STOX2: variants seen among roughly 807,000 people sequenced by gnomAD.
STOX2 encodes storkhead box 2, also known as storkhead-box protein 2.
STOX2 carries 28 observed loss-of-function variants against 60.9 expected under a neutral mutation model. The observed-to-expected ratio is 0.46, with a 90% confidence interval of 0.34 to 0.63. The LOEUF is 0.63. Among genes scored for constraint, STOX2 ranks in the 30% least tolerant of loss-of-function variants. STOX2 has a pLI of 0.01. For missense variants in STOX2, 1,024 were observed against 1,187.7 expected (o/e 0.86, Z 2.03); for synonymous variants, 472 against 463.9 (o/e 1.02, Z -0.22).
intron 1 of STOX2, among the ~76,000 whole-genome samples, chr4:183,963,554 G>A (rs1743473336): frequency 6.6e-6 from 1 of 151,436 alleles, no homozygotes; most frequent in South Asian, 2.1e-4. Flanking sequence ...AGCCTCCTGA[G>A]TAGCTGGGAT....
intron 1 of STOX2, among the ~76,000 whole-genome samples, chr4:183,911,996 G>A (rs1011613711): frequency 2.0e-5 from 3 of 152,136 alleles, no homozygotes; most frequent in South Asian, 4.1e-4. Flanking sequence ...TTTTAAGTAG[G>A]GAGTACACTT....
intron 1 of STOX2, among the ~76,000 whole-genome samples, chr4:183,892,603 C>T (rs541946704): frequency 1.3e-5 from 2 of 152,322 alleles, no homozygotes; most frequent in African/African-American, 4.8e-5. Flanking sequence ...CTTGCATGCA[C>T]GCTGACAAGG....
chr4:183,882,402 CCTT>C (rs2111173696), intron 1 of STOX2, among the ~76,000 whole-genome samples: 1 of 152,302 alleles, frequency 6.6e-6, no homozygotes, highest in South Asian at 2.1e-4. Flanking sequence ...ACGTAAAACT[CCTT>C]CTCATTTCCC....
chr4:184,011,972 T>C lies in STOX2; in HGVS notation c.2585+549T>C, dbSNP rs1336119558. ...TCCCTCTGGCTCACACACCTTCCTT[T>C]CACTGCCAAGAAATGGAATATTTCT... On this transcript the variant is annotated intron_variant, in intron 3 of 3. Coordinates refer to ENST00000308497, the MANE Select transcript of STOX2 (RefSeq NM_020225.3). This position sits in a 1 kb window ranked among gnomAD's most constrained non-coding sequence, Gnocchi z 4.4. Among the ~76,000 whole-genome samples the C allele has an allele frequency of 1.5e-4, 23 of 152,216 alleles. No individual in the cohort carries two copies. Among genetic ancestry groups the C allele is most frequent in the Non-Finnish European group, 1.5e-5 (1 of 68,038 alleles).
intron 1 of STOX2, among the ~76,000 whole-genome samples, chr4:183,868,158 AT>A (rs1740614130): frequency 6.6e-6 from 1 of 152,064 alleles, no homozygotes. Flanking sequence ...TTAGGAAAAC[AT>A]TTAGATGGCA....
chr4:183,995,057 G>C (rs1479486965), intron 1 of STOX2, among the ~76,000 whole-genome samples: 1 of 152,170 alleles, frequency 6.6e-6, no homozygotes, highest in Non-Finnish European at 1.5e-5. Context: ...GTTGTATGAG[G>C]ATGGGTACTT....
intron 1 of STOX2, among the ~76,000 whole-genome samples, chr4:183,875,409 G>T (rs983662337): frequency 6.6e-6 from 1 of 152,154 alleles, no homozygotes; most frequent in Non-Finnish European, 1.5e-5. Context: ...TAGCACTTCC[G>T]CAGAGGCCAG....
At chr4:184,007,023 A>T (rs1203072136) in intron 2 of STOX2, among the ~76,000 whole-genome samples, 4 of 128,002 alleles carry the variant, frequency 3.1e-5, no homozygotes, top group African/African-American at 1.4e-4. Flanking sequence ...CTCAAAAAAA[A>T]AAAAAAAAAC....
chr4:183,839,495 A>G (rs1015756993), intron 1 of STOX2, among the ~76,000 whole-genome samples: 19 of 152,208 alleles, frequency 1.2e-4, no homozygotes, highest in Non-Finnish European at 2.5e-4. Flanking sequence ...AGGGAAATGG[A>G]AAGTTGTGGC....
chr4:183,891,358 TTATATATATATATATATATATATATA>T (rs60300009), intron 1 of STOX2, among the ~76,000 whole-genome samples: 1,818 of 85,166 alleles, frequency 0.021, 78 homozygotes, highest in African/African-American at 0.077. Flanking sequence ...ATGATGGAAT[TTATATATATATATATATATATATATA>T]TATATATATA....
In STOX2 at chr4:183,824,249, A is replaced by AT. The variant is rs200012655; in HGVS notation, c.364+26203dup. On this transcript the variant is annotated intron_variant, in intron 1 of 2. Coordinates refer to the STOX2 transcript ENST00000513034. ...TTTAAGCAGGGATACCCTCATAGCA[A>AT]TTTTTTTTTCTGGGTCATAAAGCTA... Among the ~76,000 whole-genome samples, 778 of 151,896 alleles carry AT rather than the reference A, an allele frequency of 5.1e-3. 3 individuals are homozygous for AT. The highest frequency in any genetic ancestry group is 0.017 in the African/African-American group (703 of 41,404).
chr4:183,947,682 C>T (rs1250672489), intron 1 of STOX2, among the ~76,000 whole-genome samples: 2 of 152,190 alleles, frequency 1.3e-5, no homozygotes, highest in African/African-American at 4.8e-5. Context: ...GCTGTTTCCT[C>T]TGCCTGGAAC....
chr4:183,900,996 G>A (rs528468846), upstream of STOX2, among the ~76,000 whole-genome samples: 274 of 152,050 alleles, frequency 1.8e-3, 1 homozygote, highest in African/African-American at 6.4e-3. Flanking sequence ...ATCTATCTCC[G>A]TAATTCTTTT....
intron 1 of STOX2, among the ~76,000 whole-genome samples, chr4:183,818,743 C>T (rs1739219688): frequency 6.6e-6 from 1 of 151,024 alleles, no homozygotes; most frequent in Admixed American, 6.6e-5. Flanking sequence ...CACCTCCCTC[C>T]TGGACAGGGC....
intron 1 of STOX2, among the ~76,000 whole-genome samples, chr4:183,941,812 A>G (rs1262565945): frequency 6.6e-6 from 1 of 152,186 alleles, no homozygotes; most frequent in Admixed American, 6.5e-5. Context: ...GTATAAATCA[A>G]TATGTTGTGA....
intron 1 of STOX2, among the ~76,000 whole-genome samples, chr4:183,872,940 A>G (rs1374818555): frequency 2.0e-5 from 3 of 152,238 alleles, no homozygotes; most frequent in African/African-American, 7.2e-5. Context: ...CATGGAATCA[A>G]TGATAAGACA....
chr4:184,000,925 G>A (rs556674486), intron 1 of STOX2, among the ~76,000 whole-genome samples: 7 of 152,334 alleles, frequency 4.6e-5, no homozygotes, highest in South Asian at 4.1e-4. Context: ...ACGTAAACGC[G>A]TTCAATGTGT....
chr4:183,870,098 T>C (rs1393945208), intron 1 of STOX2, among the ~76,000 whole-genome samples: 1 of 152,236 alleles, frequency 6.6e-6, no homozygotes, highest in African/African-American at 2.4e-5. Flanking sequence ...GTACTTACGA[T>C]GAAATGAAGC....
In STOX2 at chr4:183,955,718, G is replaced by A. The variant is rs374299590; in HGVS notation, c.167-45607G>A. On this transcript the variant is annotated intron_variant, in intron 1 of 3. Coordinates refer to ENST00000308497, the MANE Select transcript of STOX2 (RefSeq NM_020225.3). ...GAATATTAATTTTGGGAGTTTGGGAGAGGATTGTTCTGTTCTGTGCCTTGC... is the reference window on the plus strand; with the variant it reads ...GAATATTAATTTTGGGAGTTTGGGAAAGGATTGTTCTGTTCTGTGCCTTGC... Among the ~76,000 whole-genome samples the A allele has an allele frequency of 2.6e-4, 40 of 152,312 alleles. 1 individual carries two copies. The South Asian group carries it at 7.9e-3, about 30-fold the overall frequency.
Sources: gnomAD v4.1 joint callset for allele counts (sites outside exome capture counted in the v4.1 genomes callset) on GRCh38, gnomAD v4.1.1 for gene constraint, Gnocchi (gnomAD v3.1) non-coding constraint, MANE v1.5 for transcripts, NCBI Gene and HGNC (gene_info 2026-07-23, HGNC 2026-07-21) for gene names.